RHBDF1: variants seen among roughly 807,000 people sequenced by gnomAD.
The protein encoded by RHBDF1 is rhomboid 5 homolog 1.
RHBDF1 carries 80 observed loss-of-function variants against 98.6 expected under a neutral mutation model. That is an observed-to-expected ratio of 0.81 (90% CI 0.68 to 0.98). RHBDF1 has a LOEUF of 0.98. Ranked by LOEUF, RHBDF1 falls within the 50% of genes least tolerant of loss-of-function variation. The pLI is 0.00. For missense variants in RHBDF1, 1,116 were observed against 1,198.3 expected (o/e 0.93, Z 1.01); for synonymous variants, 512 against 486.8 (o/e 1.05, Z -0.68).
At chr16:62,446 C>T (rs1285898846) in intron 7 of RHBDF1, 92 bp downstream of exon 7, 7 of 1,496,464 alleles carry the variant, frequency 4.7e-6, no homozygotes, top group African/African-American at 1.4e-5. Flanking sequence ...CCCCTTCCAT[C>T]GCCCACAGAG....
chr16:64,964 G>T lies in RHBDF1; in HGVS notation c.52C>A (p.Pro18Thr). 1.3e-6 allele frequency: 2 copies of T among 1,567,262 alleles called. No homozygotes were observed. Among genetic ancestry groups the T allele is most frequent in the Non-Finnish European group, 1.7e-6 (2 of 1,153,300 alleles). ...STSSLQRKKP[P>T]WLKLDIPSAV... Reference sequence around the variant, plus strand: ...GAGGGAATGTCCAGCTTTAGCCAGGGTGGCTTCTTGCGCTGCAGGCTGCTC... The same window carrying T: ...GAGGGAATGTCCAGCTTTAGCCAGGTTGGCTTCTTGCGCTGCAGGCTGCTC... The change falls in exon 2 of 18, where the codon CCC becomes ACC. Residue 18 changes from proline (P) to threonine (T), a missense_variant. Transcript: ENST00000262316.
Position 61,477 on chromosome 16 carries a change from G to T in RHBDF1, c.1321-18C>A, listed in dbSNP as rs199515718. The T allele has an allele frequency of 1.9e-6, 3 of 1,612,316 alleles. No homozygotes were observed. The highest frequency in any genetic ancestry group is 1.7e-5 in the Admixed American group (1 of 59,972). On this transcript the variant is annotated intron_variant, in intron 9 of 17. Coordinates refer to ENST00000262316, the MANE Select transcript of RHBDF1 (RefSeq NM_022450.5). ...CGCAGCACCTGGGAGGTTGGGGAGC[G>T]GGATCAGACGGGCCCCGACTCTGGC...
intron 3 of RHBDF1, chr16:64,049 C>T: frequency 1.5e-6 from 1 of 664,786 alleles, no homozygotes; most frequent in South Asian, 1.7e-5. Context: ...GAGGCCCTCA[C>T]CCCACCATCC....
Position 58,307 on chromosome 16 carries a change from T to C in RHBDF1, c.*33A>G. The C allele has an allele frequency of 6.3e-7, 1 of 1,589,816 alleles. No individual in the cohort carries two copies. On this transcript the variant is annotated 3_prime_UTR_variant, in exon 18 of 18. Transcript: ENST00000262316. ...GAGGTCGTGTCTGGCTCTGGCCTGC[T>C]GGAGCACACGGCCGCTGGAGCCCGC...
intron 10 of RHBDF1, 51 bp from the exon 11 acceptor site, chr16:61,332 C>T (rs958579603): frequency 8.4e-6 from 13 of 1,543,764 alleles, no homozygotes; most frequent in South Asian, 4.8e-5. Context: ...CTGCCCCCGC[C>T]GGGCACCTCC....
chr16:63,768 T>A lies in RHBDF1; in HGVS notation c.281A>T (p.Asp94Val). 6.2e-7 allele frequency: 1 copy of A among 1,613,900 alleles called. No individual in the cohort carries two copies. Among genetic ancestry groups the A allele is most frequent in the Non-Finnish European group, 8.5e-7 (1 of 1,179,932 alleles). The change falls in exon 4 of 18, where the codon GAC becomes GTC. Residue 94 changes from aspartate (D) to valine (V), a missense_variant. By Grantham distance (152) the Asp-to-Val change is radical. Coordinates refer to ENST00000262316, the MANE Select transcript of RHBDF1 (RefSeq NM_022450.5). ...GTADWFGVSK[D>V]SDSTQKWQRK... is the part of the protein sequence containing the mutation. ...CTGCCATTTCTGGGTGCTGTCACTGTCCTTGCTCACTCCAAACCAGTCGGC... is the reference window on the plus strand; with the variant it reads ...CTGCCATTTCTGGGTGCTGTCACTGACCTTGCTCACTCCAAACCAGTCGGC...
Position 61,285 on chromosome 16 carries a change from C to A in RHBDF1, c.1396-4G>T. ...CGCCCAGGTGGATGAGGGCCTCCTG[C>A]GGGCGAGGGAGACGAGCGGCCGCAG... On this transcript the variant is annotated splice_region_variant and splice_polypyrimidine_tract_variant and intron_variant, in intron 10 of 17. Transcript: ENST00000262316. 2.6e-6 allele frequency: 4 copies of A among 1,542,550 alleles called. No homozygotes were observed. Among genetic ancestry groups the A allele is most frequent in the East Asian group, 2.5e-5 (1 of 40,698 alleles).
Position 61,419 on chromosome 16 carries a change from A to ACGTACTTGACGTTCT in RHBDF1, c.1346_1360dup (p.Glu449_Tyr453dup), listed in dbSNP as rs1371871458. 6.2e-7 allele frequency: 1 copy of ACGTACTTGACGTTCT among 1,612,064 alleles called. No individual in the cohort carries two copies. Among genetic ancestry groups the ACGTACTTGACGTTCT allele is most frequent in the Non-Finnish European group, 8.5e-7 (1 of 1,179,722 alleles). ...CCCGATCCAGAAGTTCTCCTGCTGC[A>ACGTACTTGACGTTCT]CGTACTTGACGTTCTCGTAGACCCC... On this transcript the variant is annotated inframe_insertion, in exon 10 of 18. Transcript: ENST00000262316.
chr16:70,756 C>T (rs1897948692), intron 1 of RHBDF1, among the ~76,000 whole-genome samples: 1 of 152,222 alleles, frequency 6.6e-6, no homozygotes, highest in Admixed American at 6.5e-5. Flanking sequence ...GGAAGGGACC[C>T]TGTCTGCAGA....
chr16:63,822 A>C (rs945899663), intron 3 of RHBDF1, 22 bp from the exon 4 acceptor site: 2 of 1,607,014 alleles, frequency 1.2e-6, no homozygotes, highest in East Asian at 2.2e-5. Flanking sequence ...GGGACTCAGC[A>C]AGGGGCGGCC....
chr16:73,129 CCCA>C (rs1898020622), upstream of RHBDF1, among the ~76,000 whole-genome samples: 1 of 152,208 alleles, frequency 6.6e-6, no homozygotes, highest in African/African-American at 2.4e-5. Flanking sequence ...CACACACGTC[CCCA>C]CATCCTTCCA....
intron 3 of RHBDF1, chr16:64,269 C>T: frequency 7.5e-7 from 1 of 1,332,610 alleles, no homozygotes; most frequent in Non-Finnish European, 9.9e-7. Flanking sequence ...TGGCAGCTCC[C>T]AAGAGGTCAC....
In RHBDF1 at chr16:58,128, G is replaced by A. The variant is rs1035509959; in HGVS notation, c.*212C>T. On this transcript the variant is annotated 3_prime_UTR_variant, in exon 18 of 18. Transcript: ENST00000262316. ...ACATGAGGTGGTCGTCAAGAAACAA[G>A]TTAGAAGGTTATGACAGGAAGTAGT... The A allele has an allele frequency of 7.4e-6, 4 of 542,184 alleles. No individual in the cohort carries two copies. The highest frequency in any genetic ancestry group is 1.3e-5 in the Non-Finnish European group (4 of 309,178). The allele number at this position is 542,184 out of a possible 1,614,324, so 33.6% of individuals were successfully genotyped here.
intron 1 of RHBDF1, among the ~76,000 whole-genome samples, chr16:72,122 G>C (rs550746683): frequency 5.9e-4 from 90 of 152,360 alleles, no homozygotes; most frequent in African/African-American, 2.1e-3. Flanking sequence ...GCAGCGGGGG[G>C]AGTTCAGAGG....
At chr16:63,455 C>T (rs1897721386) in intron 4 of RHBDF1, 132 bp downstream of exon 4, 1 of 801,276 alleles carries the variant, frequency 1.2e-6, no homozygotes, top group South Asian at 1.8e-5. Flanking sequence ...CCTTCACGAG[C>T]AGGCTGTCTG....
At position 62,037 on chromosome 16, in the gene RHBDF1, G is replaced by A; in HGVS notation, c.969C>T (p.Gly323=). 3 of 1,500,398 alleles carry A rather than the reference G, an allele frequency of 2.0e-6. No homozygotes were observed. The highest frequency in any genetic ancestry group is 4.9e-5 in the East Asian group (2 of 40,948). 92.9% of individuals were successfully genotyped at this position (1,500,398 alleles called of 1,614,324 possible). ...CGGCGCCCTCCTTCTGCTTCCGCCA[G>A]CCTCGCTCCAAGGGCCTGGAGGGAG... is the stretch of plus-strand genomic sequence containing the variant. ...RSHLMLPLER[G]WRKQKEGAAA... is the part of the protein sequence containing the mutation. The change falls in exon 8 of 18, where the codon GGC becomes GGT. Residue 323 remains glycine (G), a synonymous_variant. Coordinates refer to ENST00000262316, the MANE Select transcript of RHBDF1 (RefSeq NM_022450.5).
Position 61,913 on chromosome 16 carries a change from C to A in RHBDF1, c.1093G>T (p.Ala365Ser). Reference sequence around the variant, plus strand: ...AGCCCATACGGCCGCTTCTCCCGGGCGAAGAGCTTGCGCACCGGCACCGCG... The same window carrying A: ...AGCCCATACGGCCGCTTCTCCCGGGAGAAGAGCTTGCGCACCGGCACCGCG... ...RIAVPVRKLF[A>S]REKRPYGLGM... The change falls in exon 8 of 18, where the codon GCC becomes TCC. Residue 365 changes from alanine (A) to serine (S), a missense_variant. Physicochemically the swap from Ala to Ser is moderately conservative, Grantham distance 99 (BLOSUM62 1). Coordinates refer to ENST00000262316, the MANE Select transcript of RHBDF1 (RefSeq NM_022450.5). 1.2e-6 allele frequency: 2 copies of A among 1,603,618 alleles called. No individual in the cohort carries two copies. The highest frequency in any genetic ancestry group is 1.3e-5 in the African/African-American group (1 of 74,972).
chr16:65,085 G>C, intron 1 of RHBDF1, 46 bp from the exon 2 acceptor site: 1 of 1,479,854 alleles, frequency 6.8e-7, no homozygotes, highest in Non-Finnish European at 8.9e-7. Context: ...GCTGACATCT[G>C]AAGATTCATT....
intron 1 of RHBDF1, among the ~76,000 whole-genome samples, chr16:67,340 C>A (rs188105213): frequency 6.6e-6 from 1 of 152,220 alleles, no homozygotes; most frequent in African/African-American, 2.4e-5. Flanking sequence ...AGCGTAGAGA[C>A]TGGGGCCACT....
Sources: gnomAD v4.1 joint callset for allele counts (sites outside exome capture counted in the v4.1 genomes callset) on GRCh38, gnomAD v4.1.1 for gene constraint, MANE v1.5 for transcripts, NCBI Gene and HGNC (gene_info 2026-07-23, HGNC 2026-07-21) for gene names.